Variants in TCF4 observed in about 807,000 individuals in gnomAD.
The protein encoded by TCF4 is SL3-3 enhancer factor 2.
Under a neutral mutation model 82.1 loss-of-function variants are expected in TCF4, and 3 were observed. The observed-to-expected ratio is 0.04, with a 90% CI of 0.02 to 0.09. The LOEUF (loss-of-function observed/expected upper bound fraction) is 0.09, where lower values mean the gene tolerates loss of function less well. Among genes scored for constraint, TCF4 ranks in the 10% least tolerant of loss-of-function variants. The pLI, the probability that TCF4 is intolerant of heterozygous loss-of-function variation, is 1.00. For missense variants in TCF4, 518 were observed against 852.7 expected, an observed-to-expected ratio of 0.61 and a Z score of 4.89; for synonymous variants, 276 against 309.6, an observed-to-expected ratio of 0.89 and a Z score of 1.14.
At position 55,615,859 on chromosome 18, in the gene TCF4, A is replaced by G. The variant is rs2147971688; in HGVS notation, c.286+15439T>C. Among the ~76,000 whole-genome samples the G allele has an allele frequency of 2.6e-5, 4 of 152,278 alleles. No homozygotes were observed. The East Asian group carries it at 7.7e-4, about 29-fold the overall frequency. On this transcript the variant is annotated intron_variant, in intron 2 of 20. Coordinates refer to the TCF4 transcript ENST00000398339. ...TTCCTGGAATTAATTCCACTGGATC[A>G]TGATATATTGTCCATTTTATGTAAT...
At chr18:55,575,500 A>G (rs2097520774) in intron 3 of TCF4, among the ~76,000 whole-genome samples, 1 of 152,210 alleles carries the variant, frequency 6.6e-6, no homozygotes, top group South Asian at 2.1e-4. Flanking sequence ...TTGAAAAGTG[A>G]AGAAAAAGGT....
At chr18:55,334,551 C>T (rs2078249421) in intron 8 of TCF4, among the ~76,000 whole-genome samples, 1 of 152,076 alleles carries the variant, frequency 6.6e-6, no homozygotes, top group Non-Finnish European at 1.5e-5. Context: ...TAACCTCTTA[C>T]CTACTTAAAA....
chr18:55,401,835 AG>A (rs1433218789), intron 6 of TCF4: 4 of 960,686 alleles, frequency 4.2e-6, no homozygotes, highest in Non-Finnish European at 5.0e-6. Context: ...GACCAGAAAA[AG>A]GGGCCCAGCG....
rs553801338 is a variant in TCF4 at position 55,626,930 on chromosome 18, AAC to A, written c.286+4366_286+4367del. On this transcript the variant is annotated intron_variant, in intron 2 of 20. Transcript: ENST00000398339. Reference sequence around the variant, plus strand: ...ATTTCACAGAAAATTAAAATCACTAAACACTGAAATAATCGGGCACCAGCTTC... The same window carrying A: ...ATTTCACAGAAAATTAAAATCACTAAACTGAAATAATCGGGCACCAGCTTC... Among the ~76,000 whole-genome samples, 10 of 152,316 alleles carry A rather than the reference AAC, an allele frequency of 6.6e-5. 1 individual carries two copies. In the South Asian group the frequency reaches 2.1e-3, roughly 32 times the overall value.
At chr18:55,414,049 G>T (rs1206866555) in intron 5 of TCF4, among the ~76,000 whole-genome samples, 1 of 152,134 alleles carries the variant, frequency 6.6e-6, no homozygotes, top group African/African-American at 2.4e-5. Flanking sequence ...GATATAATGG[G>T]AACCCAGAGA....
At chr18:55,623,741 G>C (rs2097723835) in intron 2 of TCF4, among the ~76,000 whole-genome samples, 1 of 152,130 alleles carries the variant, frequency 6.6e-6, no homozygotes, top group African/African-American at 2.4e-5. Flanking sequence ...TGGGGATTTA[G>C]CTATGTGAGT....
chr18:55,313,156 T>C (rs1238629018), intron 8 of TCF4, among the ~76,000 whole-genome samples: 1 of 152,154 alleles, frequency 6.6e-6, no homozygotes, highest in East Asian at 1.9e-4. Context: ...AGAACATCAT[T>C]TTTAAGATAC....
chr18:55,298,937 C>T (rs2067295687), intron 8 of TCF4, among the ~76,000 whole-genome samples: 1 of 152,098 alleles, frequency 6.6e-6, no homozygotes, highest in African/African-American at 2.4e-5. Flanking sequence ...AATTTTCTCT[C>T]TAGAGTCGAT....
intron 8 of TCF4, among the ~76,000 whole-genome samples, chr18:55,281,255 G>C (rs1465359020): frequency 6.6e-6 from 1 of 152,138 alleles, no homozygotes; most frequent in African/African-American, 2.4e-5. Context: ...AATGATCTAA[G>C]TTCTGTCAAC....
At chr18:55,566,121 G>T (rs1259163304) in intron 3 of TCF4, among the ~76,000 whole-genome samples, 1 of 152,212 alleles carries the variant, frequency 6.6e-6, no homozygotes, top group South Asian at 2.1e-4. Flanking sequence ...GCTGAGGCAG[G>T]AGAATGGTGT....
chr18:55,369,830 T>C (rs1169512935), intron 6 of TCF4, among the ~76,000 whole-genome samples: 4 of 152,274 alleles, frequency 2.6e-5, no homozygotes, highest in Non-Finnish European at 5.9e-5. Flanking sequence ...CTTTAGCTAC[T>C]GCTGAAATAT....
intron 8 of TCF4, among the ~76,000 whole-genome samples, chr18:55,323,777 A>G (rs2147569541): frequency 6.6e-6 from 1 of 152,274 alleles, no homozygotes; most frequent in African/African-American, 2.4e-5. Flanking sequence ...TAAAGAGATA[A>G]GTTGGGGAGT....
intron 15 of TCF4, among the ~76,000 whole-genome samples, chr18:55,244,976 C>T (rs1466982292): frequency 2.6e-5 from 4 of 152,194 alleles, no homozygotes; most frequent in African/African-American, 9.7e-5. Context: ...CAGGACAATG[C>T]TTCCCTAAAG....
At chr18:55,251,775 C>G (rs903200797) in intron 15 of TCF4, among the ~76,000 whole-genome samples, 3 of 152,198 alleles carry the variant, frequency 2.0e-5, no homozygotes, top group African/African-American at 7.2e-5. Flanking sequence ...CCAGTGCTCT[C>G]TGCTGAAGTT....
chr18:55,330,883 T>C (rs372569279), intron 8 of TCF4, among the ~76,000 whole-genome samples: 1 of 152,214 alleles, frequency 6.6e-6, no homozygotes, highest in Non-Finnish European at 1.5e-5. Flanking sequence ...GCTTTGTAAC[T>C]TACCTGCATA....
chr18:55,259,857 A>C (rs2057663981), intron 13 of TCF4, 92 bp downstream of exon 13: 1 of 1,073,332 alleles, frequency 9.3e-7, no homozygotes, highest in Non-Finnish European at 1.5e-6. Context: ...ATTTGGGGGG[A>C]AGTGAGTTTC....
At chr18:55,363,497 A>G (rs1204876974) in intron 6 of TCF4, among the ~76,000 whole-genome samples, 1 of 152,148 alleles carries the variant, frequency 6.6e-6, no homozygotes, top group African/African-American at 2.4e-5. Context: ...CCCAGACTAC[A>G]TACTCGTTTT....
chr18:55,283,226 A>G (rs1012741135), intron 8 of TCF4, among the ~76,000 whole-genome samples: 2 of 151,460 alleles, frequency 1.3e-5, no homozygotes, highest in Admixed American at 6.6e-5. Context: ...AAGTATTACT[A>G]TGGTACATTA....
chr18:55,261,508 GCCGGCTGCC>G lies in TCF4; in HGVS notation c.939_947del (p.Ala314_Gly316del), dbSNP rs2058076417. 1 of 1,613,914 alleles carries G rather than the reference GCCGGCTGCC, an allele frequency of 6.2e-7. No homozygotes were observed. The highest frequency in any genetic ancestry group is 1.1e-5 in the South Asian group (1 of 91,084). On this transcript the variant is annotated inframe_deletion, in exon 12 of 20. Transcript: ENST00000354452. ...CCAGAGCATCTCCAGTCTGGGAGCT[GCCGGCTGCC>G]CCGCTTCCTCTATTTGCTGCAAAAA... is the stretch of plus-strand genomic sequence containing the variant.
Sources: gnomAD v4.1 joint callset for allele counts (sites outside exome capture counted in the v4.1 genomes callset) on GRCh38, gnomAD v4.1.1 for gene constraint, MANE v1.5 for transcripts, NCBI Gene and HGNC (gene_info 2026-07-23, HGNC 2026-07-21) for gene names.